DRC11L: variants seen among roughly 807,000 people sequenced by gnomAD.
DRC11L encodes the protein dynein regulatory complex subunit like-11.
chr7:151,199,897 G>A, the DRC11L span, among the ~76,000 whole-genome samples: 1 of 152,234 alleles, frequency 6.6e-6, no homozygotes, highest in African/African-American at 2.4e-5. The surrounding 1 kb of genome is among the most constrained non-coding windows in gnomAD (Gnocchi z 5.2). Context: ...CAAGGAGCCA[G>A]GCCTACTCAC....
the DRC11L span, chr7:151,197,874 T>A: frequency 2.5e-6 from 1 of 399,216 alleles, no homozygotes; most frequent in Admixed American, 4.4e-5. Context: ...TGAAGACGCA[T>A]CTGGATAATC....
chr7:151,200,072 G>A, the DRC11L span, among the ~76,000 whole-genome samples: 2 of 152,192 alleles, frequency 1.3e-5, no homozygotes, highest in Non-Finnish European at 2.9e-5. Flanking sequence ...CCTCCCTCTG[G>A]GGTCCACCCC....
chr7:151,194,488 G>T, the DRC11L span: 1 of 399,070 alleles, frequency 2.5e-6, no homozygotes. Flanking sequence ...CCACAGAGTG[G>T]GAACAGGCAT....
chr7:151,192,088 G>A, the DRC11L span, among the ~76,000 whole-genome samples: 7 of 152,314 alleles, frequency 4.6e-5, no homozygotes, highest in African/African-American at 1.4e-4. Context: ...TTAGAGCCTC[G>A]GAGGACATAG....
At chr7:151,194,292 G>C in the DRC11L span, 1 of 399,210 alleles carries the variant, frequency 2.5e-6, no homozygotes, top group Non-Finnish European at 4.4e-6. Flanking sequence ...ACATTCTGTC[G>C]TATGTCAAAC....
At chr7:151,196,888 T>C in the DRC11L span, 1 of 398,876 alleles carries the variant, frequency 2.5e-6, no homozygotes, top group African/African-American at 2.1e-5. Context: ...CACTTCATGG[T>C]CCGTGTGCAG....
chr7:151,200,215 AG>A, the DRC11L span, among the ~76,000 whole-genome samples: 1 of 152,160 alleles, frequency 6.6e-6, no homozygotes, highest in Non-Finnish European at 1.5e-5. Context: ...GGATATGGCC[AG>A]GGGGCTTTTC....
At chr7:151,203,865 C>T in the DRC11L span, among the ~76,000 whole-genome samples, 1 of 152,210 alleles carries the variant, frequency 6.6e-6, no homozygotes, top group South Asian at 2.1e-4. Context: ...CCTGCGCCCC[C>T]ACCCCCGACC....
the DRC11L span, chr7:151,192,948 G>A: frequency 4.0e-5 from 16 of 398,150 alleles, no homozygotes; most frequent in Middle Eastern, 6.3e-4. Context: ...TTGGAGCCCC[G>A]TCTCCACTCC....
the DRC11L span, chr7:151,194,521 T>C: frequency 2.5e-6 from 1 of 399,122 alleles, no homozygotes; most frequent in South Asian, 1.3e-4. Flanking sequence ...CTCACCTATG[T>C]AGTCTTTCAA....
the DRC11L span, chr7:151,198,941 A>T: frequency 2.5e-6 from 1 of 399,136 alleles, no homozygotes; most frequent in Non-Finnish European, 4.4e-6. Context: ...GCCTCTGGAC[A>T]TCCTCCACGA....
At chr7:151,203,184 TGCAC>T in the DRC11L span, 3 of 398,564 alleles carry the variant, frequency 7.5e-6, no homozygotes, top group Non-Finnish European at 1.3e-5. Flanking sequence ...CATCAAAGGA[TGCAC>T]CAGGACACCA....
the DRC11L span, chr7:151,199,099 C>A: frequency 2.3e-5 from 9 of 398,154 alleles, no homozygotes; most frequent in Non-Finnish European, 4.0e-5. The surrounding 1 kb of genome is among the most constrained non-coding windows in gnomAD (Gnocchi z 5.2). Flanking sequence ...CACGCCTGTA[C>A]CCACTCCTTC....
the DRC11L span, chr7:151,204,491 G>A: frequency 7.5e-6 from 3 of 398,834 alleles, no homozygotes; most frequent in Non-Finnish European, 1.3e-5. Context: ...GCGTGGCTTC[G>A]CGGCTGCGCA....
the DRC11L span, chr7:151,194,618 G>A: frequency 3.8e-5 from 15 of 399,240 alleles, no homozygotes; most frequent in Non-Finnish European, 2.2e-5. Flanking sequence ...GATGGCACAG[G>A]AAGACCCCCA....
the DRC11L span, chr7:151,193,336 A>G: frequency 2.5e-6 from 1 of 399,736 alleles, no homozygotes; most frequent in Admixed American, 4.4e-5. Flanking sequence ...TCCTGCCAGG[A>G]TATTTGCCCA....
the DRC11L span, chr7:151,197,888 G>T: frequency 2.5e-6 from 1 of 399,288 alleles, no homozygotes; most frequent in South Asian, 1.3e-4. Context: ...GATAATCAGG[G>T]AACCGGCCAG....
At chr7:151,200,215 A>C in the DRC11L span, among the ~76,000 whole-genome samples, 1 of 152,160 alleles carries the variant, frequency 6.6e-6, no homozygotes. Flanking sequence ...GGATATGGCC[A>C]GGGGGCTTTT....
At chr7:151,202,494 G>T in the DRC11L span, among the ~76,000 whole-genome samples, 1 of 152,144 alleles carries the variant, frequency 6.6e-6, no homozygotes, top group Non-Finnish European at 1.5e-5. Flanking sequence ...TAGAGATGTA[G>T]ATTAAATAAT....
Sources: allele counts gnomAD v4.1 joint callset (sites outside exome capture counted in the v4.1 genomes callset), GRCh38; gene constraint gnomAD v4.1.1; non-coding constraint Gnocchi (gnomAD v3.1); transcripts MANE v1.5; gene names NCBI Gene and HGNC (gene_info 2026-07-23, HGNC 2026-07-21).